Variants in GLS observed in about 807,000 individuals in gnomAD.
GLS encodes glutaminase kidney isoform, mitochondrial.
A neutral mutation model predicts 86.7 loss-of-function variants in GLS; 36 were observed. The ratio of observed to expected loss-of-function variants is 0.42; its 90% confidence interval spans 0.32 to 0.55. The LOEUF is 0.55. Ranked by LOEUF, GLS falls within the 20% of genes least tolerant of loss-of-function variation. The pLI is 0.17. For synonymous variants in GLS, 317 were observed against 305.9 expected (o/e 1.04, Z -0.38); for missense variants, 528 against 833.4 (o/e 0.63, Z 4.51).
In GLS at chr2:190,930,070, GTTT is replaced by G. The variant is rs1162406978; in HGVS notation, c.1426-355_1426-353del. Among the ~76,000 whole-genome samples, 1 of 135,470 alleles carries G rather than the reference GTTT, an allele frequency of 7.4e-6. No individual in the cohort carries two copies. The highest frequency in any genetic ancestry group is 7.4e-5 in the Admixed American group (1 of 13,600). The allele number at this position is 135,470 out of a possible 152,430, so 88.9% of individuals were successfully genotyped here. A position where few individuals can be genotyped will look rare whatever the true frequency, so the allele number is the denominator to read the frequency against. ...ATTTTTAAACCAATTTCCCAATTGT[GTTT>G]TTTTTTTTTTTGAAACTGGATCTTG... On this transcript the variant is annotated intron_variant, in intron 12 of 17. Coordinates refer to ENST00000320717, the MANE Select transcript of GLS (RefSeq NM_014905.5). This position sits in a 1 kb window ranked among gnomAD's most constrained non-coding sequence, Gnocchi z 5.0.
At chr2:190,887,277 T>C (rs1277399200) in intron 1 of GLS, among the ~76,000 whole-genome samples, 2 of 152,202 alleles carry the variant, frequency 1.3e-5, no homozygotes, top group Non-Finnish European at 2.9e-5. Flanking sequence ...CAAAATTGCT[T>C]TGGTTATGAA....
At chr2:190,926,619 A>G (rs930230620) in intron 11 of GLS, among the ~76,000 whole-genome samples, 1 of 152,018 alleles carries the variant, frequency 6.6e-6, no homozygotes, top group Non-Finnish European at 1.5e-5. Context: ...ACGGTGAACT[A>G]TTTTCATTAT....
In GLS at chr2:190,955,758, G is replaced by A. The variant is rs1200466632; in HGVS notation, c.1853+940G>A. On this transcript the variant is annotated intron_variant, in intron 17 of 17. Coordinates refer to ENST00000320717, the MANE Select transcript of GLS (RefSeq NM_014905.5). The surrounding 1 kb of genome is among the most constrained non-coding windows in gnomAD (Gnocchi z 5.6). ...ACACTCCCACTAACAGTGTAAAAGC[G>A]TTCCTATTTCTCCACATCCTCTCCA... Among the ~76,000 whole-genome samples, 13 of 152,176 alleles carry A rather than the reference G, an allele frequency of 8.5e-5. No homozygotes were observed. Among genetic ancestry groups the A allele is most frequent in the East Asian group, 3.8e-4 (2 of 5,200 alleles).
Position 190,953,487 on chromosome 2 carries a change from A to G in GLS, c.1651-78A>G. 1 of 957,618 alleles carries G rather than the reference A, an allele frequency of 1.0e-6. No individual in the cohort carries two copies. The highest frequency in any genetic ancestry group is 1.7e-6 in the Non-Finnish European group (1 of 584,892). 59.3% of individuals were successfully genotyped at this position (957,618 alleles called of 1,614,324 possible). The stretch of plus-strand genomic sequence containing the variant: ...AGCTGAAGTGTTCAAAGCACATGGA[A>G]ATCACTTGCCAGTGACAGGTGGACG... On this transcript the variant is annotated intron_variant, in intron 14 of 17. Coordinates refer to ENST00000320717, the MANE Select transcript of GLS (RefSeq NM_014905.5). The surrounding 1 kb of genome is among the most constrained non-coding windows in gnomAD (Gnocchi z 4.0).
In GLS at chr2:190,935,765, G is replaced by A. The variant is rs1417342973; in HGVS notation, c.1650+4128G>A. On this transcript the variant is annotated intron_variant, in intron 14 of 17. Coordinates refer to ENST00000320717, the MANE Select transcript of GLS (RefSeq NM_014905.5). This position sits in a 1 kb window ranked among gnomAD's most constrained non-coding sequence, Gnocchi z 4.2. ...CATCATATTGCTTTAGAATAAAACTGTTAATCTCAGTAGAATTTATATTAA... is the reference window on the plus strand; with the variant it reads ...CATCATATTGCTTTAGAATAAAACTATTAATCTCAGTAGAATTTATATTAA... 5.9e-5 allele frequency among the ~76,000 whole-genome samples: 9 copies of A among 151,270 alleles called. No homozygotes were observed. The East Asian group carries it at 1.7e-3, about 29-fold the overall frequency.
At chr2:190,941,086 ACTAATG>A (rs1243502325) in intron 14 of GLS, among the ~76,000 whole-genome samples, 1 of 152,166 alleles carries the variant, frequency 6.6e-6, no homozygotes, top group Non-Finnish European at 1.5e-5. Context: ...TTCTTATTCA[ACTAATG>A]TTTATTTCTT....
intron 14 of GLS, among the ~76,000 whole-genome samples, chr2:190,941,570 C>CA: frequency 4.7e-4 from 1 of 2,122 alleles, no homozygotes; most frequent in Non-Finnish European, 1.3e-3. Flanking sequence ...ACAATAAGAA[C>CA]TTGTTTTGTC....
chr2:190,934,475 T>G, intron 14 of GLS: 8 of 977,770 alleles, frequency 8.2e-6, no homozygotes, highest in Non-Finnish European at 9.7e-6. Flanking sequence ...CTTTGAATGT[T>G]CAGATGCATA....
chr2:190,901,922 C>G, intron 4 of GLS, 25 bp from the exon 5 acceptor site: 1 of 1,378,400 alleles, frequency 7.3e-7, no homozygotes, highest in Non-Finnish European at 1.0e-6. Context: ...TATATCTATT[C>G]ATTTCTTTCC....
rs1340476902 is a variant in GLS at position 190,955,913 on chromosome 2, TA to T, written c.1853+1098del. The stretch of plus-strand genomic sequence containing the variant: ...TTTTTTCACATGTTTGTTGGCTGCA[TA>T]AATGTCTTCTTTTGAGAAGTGTCTG... On this transcript the variant is annotated intron_variant, in intron 17 of 17. Coordinates refer to ENST00000320717, the MANE Select transcript of GLS (RefSeq NM_014905.5). This position sits in a 1 kb window ranked among gnomAD's most constrained non-coding sequence, Gnocchi z 5.6. Among the ~76,000 whole-genome samples the T allele has an allele frequency of 2.6e-5, 4 of 152,262 alleles. No homozygotes were observed. The highest frequency in any genetic ancestry group is 4.8e-5 in the African/African-American group (2 of 41,474).
rs1218041676 is a variant in GLS, at chr2:190,930,640, A to G, written c.1557+72A>G. 2.2e-5 allele frequency: 32 copies of G among 1,422,238 alleles called. No homozygotes were observed. Among genetic ancestry groups the G allele is most frequent in the Non-Finnish European group, 2.6e-5 (27 of 1,031,992 alleles). The allele number at this position is 1,422,238 out of a possible 1,614,324, so 88.1% of individuals were successfully genotyped here. On this transcript the variant is annotated intron_variant, in intron 13 of 17. Coordinates refer to ENST00000320717, the MANE Select transcript of GLS (RefSeq NM_014905.5). This position sits in a 1 kb window ranked among gnomAD's most constrained non-coding sequence, Gnocchi z 5.0. ...ATCCAATGATTCTTTTTTTTAACCC[A>G]TTTTCCATAGTTCATTAACTCTTGG...
Position 190,924,216 on chromosome 2 carries a change from ATT to A in GLS, c.1197+236_1197+237del, listed in dbSNP as rs933565408. Among the ~76,000 whole-genome samples, 6 of 152,134 alleles carry A rather than the reference ATT, an allele frequency of 3.9e-5. No individual in the cohort carries two copies. The highest frequency in any genetic ancestry group is 1.4e-4 in the African/African-American group (6 of 41,442). On this transcript the variant is annotated intron_variant, in intron 10 of 17. Transcript: ENST00000320717. This position sits in a 1 kb window ranked among gnomAD's most constrained non-coding sequence, Gnocchi z 5.2. Reference sequence around the variant, plus strand: ...TGACTCATATTATTTATTAATACAAATTTTGTTTGAGGTTTAGTCTATTTTTT... The same window carrying A: ...TGACTCATATTATTTATTAATACAAATTGTTTGAGGTTTAGTCTATTTTTT...
chr2:190,924,317 A>G lies in GLS; in HGVS notation c.1198-226A>G, dbSNP rs1385241394. ...TGGCTGGTCTAGTAACTTGATTTAT[A>G]AATCATGAATCATTTTATCATTGTC... is the stretch of plus-strand genomic sequence containing the variant. On this transcript the variant is annotated intron_variant, in intron 10 of 17. Coordinates refer to ENST00000320717, the MANE Select transcript of GLS (RefSeq NM_014905.5). This position sits in a 1 kb window ranked among gnomAD's most constrained non-coding sequence, Gnocchi z 5.2. 6.6e-6 allele frequency among the ~76,000 whole-genome samples: 1 copy of G among 152,192 alleles called. No individual in the cohort carries two copies. Among genetic ancestry groups the G allele is most frequent in the Non-Finnish European group, 1.5e-5 (1 of 68,030 alleles).
chr2:190,926,291 C>A (rs537165409), intron 11 of GLS, among the ~76,000 whole-genome samples: 21 of 152,156 alleles, frequency 1.4e-4, no homozygotes, highest in Non-Finnish European at 2.4e-4. Flanking sequence ...TCTTTGCTAT[C>A]TGGGGCAGTA....
intron 7 of GLS, among the ~76,000 whole-genome samples, chr2:190,911,642 C>G (rs1689363446): frequency 6.6e-6 from 1 of 151,966 alleles, no homozygotes; most frequent in African/African-American, 2.4e-5. Context: ...TCAATAAATG[C>G]TGTGATGAGA....
chr2:190,927,259 A>C, intron 11 of GLS, 47 bp from the exon 12 acceptor site: 2 of 1,322,890 alleles, frequency 1.5e-6, no homozygotes, highest in Non-Finnish European at 1.1e-6. Context: ...AAAAGTGAAC[A>C]GTAATATTAA....
intron 7 of GLS, among the ~76,000 whole-genome samples, chr2:190,916,685 CT>C (rs772359994): frequency 2.6e-5 from 4 of 152,070 alleles, no homozygotes; most frequent in Non-Finnish European, 5.9e-5. Context: ...GAGAAACATT[CT>C]TTAGTCAATG....
intron 6 of GLS, among the ~76,000 whole-genome samples, chr2:190,909,173 G>A (rs1022922629): frequency 6.6e-6 from 1 of 151,470 alleles, no homozygotes; most frequent in African/African-American, 2.4e-5. Context: ...CACCCAAAAT[G>A]TAGGATATTT....
At chr2:190,899,970 T>C (rs1688881287) in intron 3 of GLS, among the ~76,000 whole-genome samples, 1 of 152,108 alleles carries the variant, frequency 6.6e-6, no homozygotes, top group South Asian at 2.1e-4. Context: ...TAAAATTAAT[T>C]ATTACACTAC....
Sources: gnomAD v4.1 joint callset for allele counts (sites outside exome capture counted in the v4.1 genomes callset) on GRCh38, gnomAD v4.1.1 for gene constraint, Gnocchi (gnomAD v3.1) non-coding constraint, MANE v1.5 for transcripts, NCBI Gene and HGNC (gene_info 2026-07-23, HGNC 2026-07-21) for gene names.